ADAMTSL1: variants seen among roughly 807,000 people sequenced by gnomAD.
The protein encoded by ADAMTSL1 is ADAMTS like 1.
A neutral mutation model predicts 201.8 loss-of-function variants in ADAMTSL1; 126 were observed. The ratio of observed to expected loss-of-function variants is 0.62; its 90% confidence interval spans 0.54 to 0.72. The LOEUF (loss-of-function observed/expected upper bound fraction) is 0.72, where lower values mean the gene tolerates loss of function less well. Ranked by LOEUF, ADAMTSL1 falls within the 30% of genes least tolerant of loss-of-function variation. The pLI is 0.00. For missense variants in ADAMTSL1, 2,679 were observed against 2,277.8 expected (o/e 1.18, Z -3.59); for synonymous variants, 1,121 against 903.4 (o/e 1.24, Z -4.32).
intron 1 of ADAMTSL1, among the ~76,000 whole-genome samples, chr9:17,962,656 G>A (rs1200834001): frequency 6.6e-6 from 1 of 152,150 alleles, no homozygotes; most frequent in Non-Finnish European, 1.5e-5. Flanking sequence ...CTGTTTATAA[G>A]CTTCTTTGTG....
intron 19 of ADAMTSL1, among the ~76,000 whole-genome samples, chr9:18,792,801 C>G (rs1822141251): frequency 6.6e-6 from 1 of 152,206 alleles, no homozygotes; most frequent in Admixed American, 6.5e-5. Context: ...CTTCAGGAAA[C>G]AGTCATACTA....
chr9:18,768,176 T>G (rs1055809079), intron 16 of ADAMTSL1, among the ~76,000 whole-genome samples: 1 of 152,150 alleles, frequency 6.6e-6, no homozygotes, highest in East Asian at 1.9e-4. Context: ...CAAAGCCCAG[T>G]TGGGTGAAAG....
intron 2 of ADAMTSL1, among the ~76,000 whole-genome samples, chr9:18,395,536 A>C (rs2133240548): frequency 6.6e-6 from 1 of 152,324 alleles, no homozygotes; most frequent in Admixed American, 6.5e-5. Context: ...TAATGGAAAC[A>C]GACCCATTTT....
rs61181395 is a variant in ADAMTSL1, at chr9:18,288,812, C to T, written c.207+124831C>T. Among the ~76,000 whole-genome samples, 1,471 of 152,278 alleles carry T rather than the reference C, an allele frequency of 9.7e-3. 27 individuals are homozygous for T. The highest frequency in any genetic ancestry group is 0.034 in the African/African-American group (1,419 of 41,552). On this transcript the variant is annotated intron_variant, in intron 2 of 29. Transcript: ENST00000680146. ...TGTTCCCAGGATAATTTGACAAGAACCAGAAACAAAGAGTATGATCTAAAT... is the reference window on the plus strand; with the variant it reads ...TGTTCCCAGGATAATTTGACAAGAATCAGAAACAAAGAGTATGATCTAAAT...
intron 1 of ADAMTSL1, among the ~76,000 whole-genome samples, chr9:17,908,884 A>C (rs890000781): frequency 1.3e-5 from 2 of 152,114 alleles, no homozygotes; most frequent in African/African-American, 4.8e-5. Flanking sequence ...TAGGTCCCTG[A>C]GGACTCGCCA....
chr9:18,401,243 C>G (rs78147745), intron 2 of ADAMTSL1, among the ~76,000 whole-genome samples: 1,642 of 152,274 alleles, frequency 0.011, 10 homozygotes, highest in Non-Finnish European at 0.017. Context: ...CATTAGCTTT[C>G]CACCTCTGAG....
chr9:18,667,294 A>AT (rs1457980892), intron 9 of ADAMTSL1, among the ~76,000 whole-genome samples: 1 of 152,014 alleles, frequency 6.6e-6, no homozygotes, highest in Non-Finnish European at 1.5e-5. Context: ...CCAAAAAAAA[A>AT]GTCTCAAATT....
intron 13 of ADAMTSL1, among the ~76,000 whole-genome samples, chr9:18,701,947 A>G (rs576337482): frequency 1.1e-3 from 164 of 152,320 alleles, no homozygotes; most frequent in African/African-American, 3.8e-3. Flanking sequence ...AGACTGGGCA[A>G]TTTACAAAAG....
intron 2 of ADAMTSL1, among the ~76,000 whole-genome samples, chr9:18,200,369 C>G (rs1403526130): frequency 6.6e-6 from 1 of 151,850 alleles, no homozygotes; most frequent in Non-Finnish European, 1.5e-5. Context: ...ATTTGATTCT[C>G]TTTTGGAACT....
intron 23 of ADAMTSL1, among the ~76,000 whole-genome samples, chr9:18,834,233 G>C (rs1825175476): frequency 6.6e-6 from 1 of 152,164 alleles, no homozygotes; most frequent in Non-Finnish European, 1.5e-5. Context: ...AAATGTCGTT[G>C]ATAGTTTAAT....
At chr9:18,017,398 T>C (rs2131574550) in intron 1 of ADAMTSL1, among the ~76,000 whole-genome samples, 1 of 152,078 alleles carries the variant, frequency 6.6e-6, no homozygotes, top group African/African-American at 2.4e-5. Flanking sequence ...CTGCTTAGTT[T>C]CAGCACTGAC....
intron 1 of ADAMTSL1, among the ~76,000 whole-genome samples, chr9:18,493,912 A>T (rs1008835839): frequency 6.6e-6 from 1 of 152,240 alleles, no homozygotes; most frequent in Non-Finnish European, 1.5e-5. Flanking sequence ...TCTACAAGGC[A>T]CTGCGCATAT....
At chr9:17,976,628 T>G (rs1281490540) in intron 1 of ADAMTSL1, among the ~76,000 whole-genome samples, 2 of 151,814 alleles carry the variant, frequency 1.3e-5, no homozygotes, top group Non-Finnish European at 2.9e-5. Context: ...TCCTAACAGC[T>G]TTTTGGTGAA....
intron 2 of ADAMTSL1, among the ~76,000 whole-genome samples, chr9:18,309,137 C>G (rs1387090553): frequency 6.7e-6 from 1 of 150,334 alleles, no homozygotes; most frequent in Non-Finnish European, 1.5e-5. Context: ...AATTCAACAC[C>G]TATTCATGCT....
intron 7 of ADAMTSL1, among the ~76,000 whole-genome samples, chr9:18,653,862 T>C (rs1385711726): frequency 6.6e-6 from 1 of 152,260 alleles, no homozygotes; most frequent in African/African-American, 2.4e-5. Flanking sequence ...ATTCCCATAG[T>C]AAGTAGCATT....
intron 20 of ADAMTSL1, among the ~76,000 whole-genome samples, chr9:18,809,539 C>G (rs1240707027): frequency 6.6e-6 from 1 of 152,180 alleles, no homozygotes; most frequent in Non-Finnish European, 1.5e-5. Context: ...CCTGTAATCC[C>G]AGCACTTTGG....
intron 2 of ADAMTSL1, among the ~76,000 whole-genome samples, chr9:18,297,582 G>T (rs1015848032): frequency 4.6e-5 from 7 of 152,166 alleles, no homozygotes; most frequent in African/African-American, 1.4e-4. Context: ...AAAAGGCTCC[G>T]TAAAAGGTCA....
At chr9:18,064,626 T>A (rs1822611724) in intron 1 of ADAMTSL1, among the ~76,000 whole-genome samples, 1 of 152,136 alleles carries the variant, frequency 6.6e-6, no homozygotes, top group African/African-American at 2.4e-5. Flanking sequence ...ACCTAATACA[T>A]GAACATTCAT....
At chr9:18,633,418 C>T (rs887303845) in intron 5 of ADAMTSL1, among the ~76,000 whole-genome samples, 4 of 151,952 alleles carry the variant, frequency 2.6e-5, no homozygotes, top group African/African-American at 4.8e-5. Flanking sequence ...GGTGAAACCC[C>T]GTCTCTACTA....
Sources: allele counts gnomAD v4.1 joint callset (sites outside exome capture counted in the v4.1 genomes callset), GRCh38; gene constraint gnomAD v4.1.1; transcripts MANE v1.5; gene names NCBI Gene and HGNC (gene_info 2026-07-23, HGNC 2026-07-21).